Variants in FKBP8 observed in about 807,000 individuals in gnomAD.
FKBP8 encodes the protein peptidyl-prolyl cis-trans isomerase FKBP8.
FKBP8 carries 5 observed loss-of-function variants against 41.7 expected under a neutral mutation model. The observed-to-expected ratio is 0.12, with a 90% CI of 0.06 to 0.25. FKBP8 has a LOEUF of 0.25. Ranked by LOEUF, FKBP8 falls within the 10% of genes least tolerant of loss-of-function variation. The probability of loss-of-function intolerance (pLI) is 1.00; values close to 1 mark genes in which losing one functional copy is unlikely to be tolerated. For synonymous variants in FKBP8, 279 were observed against 254.5 expected, an observed-to-expected ratio of 1.10 and a Z score of -0.92; for missense variants, 397 against 563.0, an observed-to-expected ratio of 0.71 and a Z score of 2.98.
intron 6 of FKBP8, among the ~76,000 whole-genome samples, chr19:18,535,604 T>C (rs1452521063): frequency 6.6e-6 from 1 of 151,530 alleles, no homozygotes; most frequent in African/African-American, 2.4e-5. Flanking sequence ...AAACCCCGTC[T>C]ATACTAAAAA....
intron 8 of FKBP8, 62 bp from the exon 9 acceptor site, chr19:18,532,317 C>T: frequency 1.4e-6 from 2 of 1,437,034 alleles, no homozygotes; most frequent in Non-Finnish European, 1.9e-6. Flanking sequence ...TCTGGGGCCT[C>T]AGCTGCCAGC....
At chr19:18,534,543 G>A (rs904233620) in intron 6 of FKBP8, among the ~76,000 whole-genome samples, 2 of 151,736 alleles carry the variant, frequency 1.3e-5, no homozygotes, top group Non-Finnish European at 2.9e-5. Context: ...ACCTCCACTG[G>A]CGAGAGGCCG....
Position 18,537,453 on chromosome 19 carries a change from C to G in FKBP8, c.945+148G>C. ...GAATTGTTGTGACCAGGCCACACTC[C>G]TGCACCCGTCTGGGCCTCAGTTTCT... is the stretch of plus-strand genomic sequence containing the variant. On this transcript the variant is annotated intron_variant, in intron 6 of 8. Transcript: ENST00000608443. The surrounding 1 kb of genome is among the most constrained non-coding windows in gnomAD (Gnocchi z 4.4). The G allele has an allele frequency of 1.5e-6, 1 of 687,216 alleles. No individual in the cohort carries two copies. The highest frequency in any genetic ancestry group is 2.3e-6 in the Non-Finnish European group (1 of 440,676). The allele number at this position is 687,216 out of a possible 1,614,324, so 42.6% of individuals were successfully genotyped here.
rs1373384104 is a variant in FKBP8 at position 18,538,387 on chromosome 19, G to C, written c.601C>G (p.Leu201Val). The C allele has an allele frequency of 3.7e-6, 6 of 1,613,446 alleles. No homozygotes were observed. The highest frequency in any genetic ancestry group is 2.2e-5 in the East Asian group (1 of 44,886). Residue 201 changes from leucine (L) to valine (V), a missense_variant, in exon 5 of 9, where the codon CTG (leucine) becomes GTG (valine). Leu to Val is a conservative substitution (Grantham distance 32). Transcript: ENST00000608443. The surrounding 1 kb of genome is among the most constrained non-coding windows in gnomAD (Gnocchi z 4.0). ...PHAALCLEVT[L>V]KTAVDGPDLE... The stretch of plus-strand genomic sequence containing the variant: ...TCAGGCCCGTCCACAGCCGTCTTCA[G>C]GGTCACCTCCAGGCACAGGGCCGCG...
chr19:18,536,771 T>C (rs1568410169), intron 6 of FKBP8, among the ~76,000 whole-genome samples: 1 of 152,190 alleles, frequency 6.6e-6, no homozygotes, highest in Non-Finnish European at 1.5e-5. Context: ...GTAAGGTAGA[T>C]GGACAAGAGG....
chr19:18,532,202 C>T lies in FKBP8; in HGVS notation c.1209G>A (p.Val403=), dbSNP rs1401044952. The T allele has an allele frequency of 6.2e-7, 1 of 1,609,380 alleles. No homozygotes were observed. Among genetic ancestry groups the T allele is most frequent in the Non-Finnish European group, 8.5e-7 (1 of 1,178,340 alleles). ...FGATAVALGG[V]ALSVVIAARN is the part of the protein sequence containing the mutation. ...TGGCAGCGATGACCACAGAGAGTGC[C>T]ACACCCCCCAAGGCAACAGCAGTCG... Residue 403 remains valine, a synonymous_variant, in exon 9 of 9, where the codon GTG becomes GTA. Transcript: ENST00000608443.
At chr19:18,532,400 A>G in intron 8 of FKBP8, 145 bp from the exon 9 acceptor site, 1 of 959,732 alleles carries the variant, frequency 1.0e-6, no homozygotes, top group Non-Finnish European at 1.6e-6. Context: ...ACTCCTACTC[A>G]TGCAGCAAAA....
In FKBP8 at chr19:18,531,923, C is replaced by T. The variant is rs1976458125; in HGVS notation, c.*246G>A. ...GAGGCCAGCCCTGGCGGAGACCTAG[C>T]CCAGCGGGGTAAGGAGGGTGGGGGA... is the stretch of plus-strand genomic sequence containing the variant. On this transcript the variant is annotated 3_prime_UTR_variant, in exon 9 of 9. Coordinates refer to ENST00000608443, the MANE Select transcript of FKBP8 (RefSeq NM_012181.5). 2 of 530,604 alleles carry T rather than the reference C, an allele frequency of 3.8e-6. No homozygotes were observed. Among genetic ancestry groups the T allele is most frequent in the South Asian group, 4.4e-5 (2 of 45,250 alleles). The allele number at this position is 530,604 out of a possible 1,614,324, so 32.9% of individuals were successfully genotyped here. A position where few individuals can be genotyped will look rare whatever the true frequency, so the allele number is the denominator to read the frequency against.
intron 2 of FKBP8, among the ~76,000 whole-genome samples, chr19:18,540,422 G>A (rs538981658): frequency 6.6e-6 from 1 of 152,200 alleles, no homozygotes; most frequent in South Asian, 2.1e-4. Context: ...GCAACATAGT[G>A]AGACCCCATC....
At chr19:18,542,788 C>G in intron 1 of FKBP8, 1 of 774,288 alleles carries the variant, frequency 1.3e-6, no homozygotes, top group Non-Finnish European at 1.9e-6. Flanking sequence ...CCCAGACCTC[C>G]TGAACCAATA....
chr19:18,537,401 G>C lies in FKBP8; in HGVS notation c.945+200C>G, dbSNP rs770211632. The stretch of plus-strand genomic sequence containing the variant: ...GCCAAAGGTTGGGGACCCAAGACTC[G>C]AGGATCAAATTCTGGCCTCAGCCAA... On this transcript the variant is annotated intron_variant, in intron 6 of 8. Transcript: ENST00000608443. The surrounding 1 kb of genome is among the most constrained non-coding windows in gnomAD (Gnocchi z 4.4). Among the ~76,000 whole-genome samples the C allele has an allele frequency of 6.6e-6, 1 of 152,128 alleles. No individual in the cohort carries two copies.
At chr19:18,532,887 T>C in intron 7 of FKBP8, 92 bp from the exon 8 acceptor site, 1 of 1,538,862 alleles carries the variant, frequency 6.5e-7, no homozygotes, top group East Asian at 2.3e-5. Context: ...GTTTGGGTGG[T>C]GGGACTGTTG....
At position 18,540,009 on chromosome 19, in the gene FKBP8, T is replaced by G. The variant is rs184005036; in HGVS notation, c.293-289A>C. ...GGTTTTTTTGTTTTTTTGTTTTTTT[T>G]TTTTAAGAAAACTGAGACTTGCCGA... On this transcript the variant is annotated intron_variant, in intron 2 of 8. Coordinates refer to ENST00000608443, the MANE Select transcript of FKBP8 (RefSeq NM_012181.5). Among the ~76,000 whole-genome samples, 18 of 152,086 alleles carry G rather than the reference T, an allele frequency of 1.2e-4. No homozygotes were observed. The East Asian group carries it at 2.3e-3, about 20-fold the overall frequency.
Position 18,532,706 on chromosome 19 carries a change from G to A in FKBP8, c.1113C>T (p.Asn371=). 1.2e-6 allele frequency: 2 copies of A among 1,614,086 alleles called. No individual in the cohort carries two copies. Among genetic ancestry groups the A allele is most frequent in the African/African-American group, 1.3e-5 (1 of 75,070 alleles). ...GGCACTTAGCAGGCAGCCGGCTGGG[G>A]TTGCCCAGCATTTTCCGGTACAAGG... ...ETALYRKMLG[N]PSRLPAKCPG... is the part of the protein sequence containing the mutation. The change falls in exon 8 of 9, where the codon AAC becomes AAT. Residue 371 remains asparagine (N), a synonymous_variant. Transcript: ENST00000608443.
intron 1 of FKBP8, chr19:18,543,039 C>A: frequency 2.5e-6 from 1 of 405,030 alleles, no homozygotes; most frequent in South Asian, 2.0e-5. Context: ...CCCCCACAGC[C>A]GCTCCGTCTC....
intron 2 of FKBP8, among the ~76,000 whole-genome samples, chr19:18,541,079 C>A (rs186808611): frequency 6.6e-6 from 1 of 151,958 alleles, no homozygotes; most frequent in East Asian, 1.9e-4. Flanking sequence ...AGCAAGACGT[C>A]TTCCACAGAA....
At chr19:18,536,333 A>G (rs562452556) in intron 6 of FKBP8, 3 of 152,274 alleles carry the variant, frequency 2.0e-5, no homozygotes, top group Admixed American at 2.0e-4. Context: ...ATTCACCCCT[A>G]TGTTCTGCCA....
chr19:18,536,492 C>G (rs1432086355), intron 6 of FKBP8, among the ~76,000 whole-genome samples: 1 of 152,194 alleles, frequency 6.6e-6, no homozygotes, highest in Non-Finnish European at 1.5e-5. Context: ...ACTGGGACGA[C>G]AGGCCCGCGC....
chr19:18,532,968 G>A (rs1247734279), intron 7 of FKBP8, 173 bp from the exon 8 acceptor site: 2 of 1,091,154 alleles, frequency 1.8e-6, no homozygotes, highest in Non-Finnish European at 2.5e-6. Flanking sequence ...TCCCTCCTAG[G>A]GAGCCAATTG....
Sources: gnomAD v4.1 joint callset for allele counts (sites outside exome capture counted in the v4.1 genomes callset) on GRCh38, gnomAD v4.1.1 for gene constraint, Gnocchi (gnomAD v3.1) non-coding constraint, MANE v1.5 for transcripts, NCBI Gene and HGNC (gene_info 2026-07-23, HGNC 2026-07-21) for gene names.